Variants in NKAIN2 observed in about 807,000 individuals in gnomAD.
NKAIN2 encodes sodium/potassium-transporting ATPase subunit beta-1-interacting protein 2.
Under a neutral mutation model 32.6 loss-of-function variants are expected in NKAIN2, and 14 were observed. The ratio of observed to expected loss-of-function variants is 0.43; its 90% CI spans 0.28 to 0.67. The LOEUF (loss-of-function observed/expected upper bound fraction) is 0.67. Among genes scored for constraint, NKAIN2 ranks in the 30% least tolerant of loss-of-function variants. The pLI is 0.17. For missense variants in NKAIN2, 198 were observed against 258.3 expected, an observed-to-expected ratio of 0.77 and a Z score of 1.60; for synonymous variants, 80 against 87.2, an observed-to-expected ratio of 0.92 and a Z score of 0.46.
At chr6:123,824,903 G>A (rs184361200) in intron 1 of NKAIN2, among the ~76,000 whole-genome samples, 1 of 152,158 alleles carries the variant, frequency 6.6e-6, no homozygotes, top group African/African-American at 2.4e-5. Flanking sequence ...TCAGAAAAAA[G>A]CAAGGAAGTA....
At chr6:124,538,088 C>T in intron 3 of NKAIN2, among the ~76,000 whole-genome samples, 1 of 152,010 alleles carries the variant, frequency 6.6e-6, no homozygotes, top group East Asian at 1.9e-4. Context: ...TTCACTAATT[C>T]TAAATAGTTT....
intron 1 of NKAIN2, chr6:123,828,752 T>G (rs574082144): frequency 2.0e-5 from 3 of 152,094 alleles, no homozygotes; most frequent in Non-Finnish European, 4.4e-5. Context: ...GTACCCTCTC[T>G]CATCTCAGGA....
intron 4 of NKAIN2, among the ~76,000 whole-genome samples, chr6:124,789,710 TA>T (rs1320612087): frequency 1.3e-5 from 2 of 151,980 alleles, no homozygotes; most frequent in East Asian, 3.9e-4. Flanking sequence ...CTCGGAACTC[TA>T]AAAATAAGTC....
chr6:124,729,184 G>T (rs1776513069), intron 4 of NKAIN2, among the ~76,000 whole-genome samples: 1 of 152,062 alleles, frequency 6.6e-6, no homozygotes, highest in Non-Finnish European at 1.5e-5. Flanking sequence ...TAGAAAAAGA[G>T]GAAATCCTCC....
chr6:123,930,586 C>T (rs528290412), intron 1 of NKAIN2, among the ~76,000 whole-genome samples: 19 of 152,132 alleles, frequency 1.2e-4, no homozygotes, highest in Non-Finnish European at 2.5e-4. Flanking sequence ...AACATTACTG[C>T]TATGGTACCT....
chr6:124,639,746 C>G (rs1352250022), intron 3 of NKAIN2, among the ~76,000 whole-genome samples: 2 of 152,126 alleles, frequency 1.3e-5, no homozygotes, highest in Admixed American at 1.3e-4. Context: ...TTAAATGCTA[C>G]TTGTTCTCAC....
intron 1 of NKAIN2, among the ~76,000 whole-genome samples, chr6:124,045,948 A>T (rs935210768): frequency 6.6e-6 from 1 of 152,056 alleles, no homozygotes; most frequent in African/African-American, 2.4e-5. Flanking sequence ...CTAGAAATTA[A>T]AACTTGTAAG....
chr6:123,897,314 A>G (rs969744246), intron 1 of NKAIN2, among the ~76,000 whole-genome samples: 5 of 152,034 alleles, frequency 3.3e-5, no homozygotes, highest in Admixed American at 3.3e-4. Flanking sequence ...TGATATAGCA[A>G]TTTTGACATA....
At chr6:124,601,401 G>T (rs1213498166) in intron 3 of NKAIN2, among the ~76,000 whole-genome samples, 2 of 152,056 alleles carry the variant, frequency 1.3e-5, no homozygotes, top group Non-Finnish European at 1.5e-5. Flanking sequence ...TAGCAAGTCA[G>T]CTCCTTTTTT....
At chr6:124,790,500 AC>A (rs978212328) in intron 4 of NKAIN2, among the ~76,000 whole-genome samples, 2 of 152,214 alleles carry the variant, frequency 1.3e-5, no homozygotes, top group African/African-American at 4.8e-5. Flanking sequence ...TTGAGGACAT[AC>A]CTTTAAGGAT....
chr6:124,787,140 C>T (rs892461995), intron 4 of NKAIN2, among the ~76,000 whole-genome samples: 1 of 152,222 alleles, frequency 6.6e-6, no homozygotes, highest in East Asian at 1.9e-4. Flanking sequence ...TTGGAGGAAG[C>T]AGCACCTTTA....
At chr6:124,162,531 G>A (rs552079435) in intron 1 of NKAIN2, among the ~76,000 whole-genome samples, 28 of 152,232 alleles carry the variant, frequency 1.8e-4, no homozygotes, top group African/African-American at 6.5e-4. Flanking sequence ...TATGCTGGAT[G>A]ACAGCTGTAA....
chr6:124,173,553 T>G (rs1373911633), intron 1 of NKAIN2, among the ~76,000 whole-genome samples: 1 of 152,070 alleles, frequency 6.6e-6, no homozygotes, highest in Non-Finnish European at 1.5e-5. Flanking sequence ...ATAGGCCCTT[T>G]GAAGAAACTG....
intron 1 of NKAIN2, among the ~76,000 whole-genome samples, chr6:123,855,939 A>G (rs796607751): frequency 1.6e-4 from 24 of 152,334 alleles, no homozygotes; most frequent in African/African-American, 5.5e-4. Flanking sequence ...TATCAGGGTG[A>G]TATCATTTTG....
At chr6:124,544,132 C>T (rs1430341168) in intron 3 of NKAIN2, among the ~76,000 whole-genome samples, 2 of 152,060 alleles carry the variant, frequency 1.3e-5, no homozygotes, top group Non-Finnish European at 2.9e-5. Context: ...AAGTGGAGTT[C>T]ATTTGCTCTA....
At position 124,132,425 on chromosome 6, in the gene NKAIN2, C is replaced by A. The variant is rs566855343; in HGVS notation, c.55-150580C>A. ...AATACTTCCCCTGGGTAACTTAGGGCAACCTCAAATCCCACTGCTAATACC... is the reference window on the plus strand; with the variant it reads ...AATACTTCCCCTGGGTAACTTAGGGAAACCTCAAATCCCACTGCTAATACC... On this transcript the variant is annotated intron_variant, in intron 1 of 6. Transcript: ENST00000368417. Among the ~76,000 whole-genome samples, 7 of 152,356 alleles carry A rather than the reference C, an allele frequency of 4.6e-5. 1 individual carries two copies. The South Asian group carries it at 1.4e-3, about 32-fold the overall frequency.
chr6:124,618,578 A>G (rs935251818), intron 3 of NKAIN2, among the ~76,000 whole-genome samples: 2 of 152,222 alleles, frequency 1.3e-5, no homozygotes, highest in African/African-American at 4.8e-5. Context: ...CTGCTAGTAT[A>G]GTTTGCTTTG....
chr6:124,820,276 A>G (rs1781339276), intron 6 of NKAIN2, among the ~76,000 whole-genome samples: 1 of 152,162 alleles, frequency 6.6e-6, no homozygotes, highest in Admixed American at 6.5e-5. Flanking sequence ...AAGACGACCT[A>G]CTGAAGGCAT....
At chr6:124,087,199 G>A (rs1411199759) in intron 1 of NKAIN2, among the ~76,000 whole-genome samples, 4 of 151,850 alleles carry the variant, frequency 2.6e-5, no homozygotes, top group African/African-American at 9.7e-5. Flanking sequence ...ATAGATACAT[G>A]AAAAGTATTT....
Sources: gnomAD v4.1 joint callset for allele counts (sites outside exome capture counted in the v4.1 genomes callset) on GRCh38, gnomAD v4.1.1 for gene constraint, MANE v1.5 for transcripts, NCBI Gene and HGNC (gene_info 2026-07-23, HGNC 2026-07-21) for gene names.